Variants in PSEN1 observed in about 807,000 individuals in gnomAD.
PSEN1 encodes the protein presenilin 1, also known as presenilin-1.
In PSEN1, 15 loss-of-function variants were observed where a neutral mutation model predicts 53.5. The observed-to-expected ratio is 0.28, with a 90% confidence interval of 0.19 to 0.43. The LOEUF is 0.43. Among genes scored for constraint, PSEN1 ranks in the 20% least tolerant of loss-of-function variants. The pLI is 1.00. For missense variants in PSEN1, 387 were observed against 571.2 expected (o/e 0.68, Z 3.29); for synonymous variants, 208 against 209.8 (o/e 0.99, Z 0.08).
rs770625924 is a variant in PSEN1 at position 73,206,437 on chromosome 14, G to A, written c.920G>A (p.Arg307Lys). The change falls in exon 9 of 12, where the codon AGG becomes AAG. Residue 307 changes from arginine to lysine, a missense_variant. Arg to Lys is a conservative substitution (Grantham distance 26). Transcript: ENST00000324501. The part of the protein sequence containing the change: ...NMAEGDPEAQ[R>K]RVSKNSKYNA... ...GCAGAAGGAGACCCGGAAGCTCAAAGGAGAGTATCCAAAAATTCCAAGTAT... is the reference window on the plus strand; with the variant it reads ...GCAGAAGGAGACCCGGAAGCTCAAAAGAGAGTATCCAAAAATTCCAAGTAT... The A allele has an allele frequency of 6.2e-7, 1 of 1,614,032 alleles. No individual in the cohort carries two copies. Among genetic ancestry groups the A allele is most frequent in the Non-Finnish European group, 8.5e-7 (1 of 1,179,938 alleles).
intron 5 of PSEN1, among the ~76,000 whole-genome samples, chr14:73,176,035 C>T (rs1405632397): frequency 6.6e-6 from 1 of 152,260 alleles, no homozygotes; most frequent in South Asian, 2.1e-4. Context: ...TATCACATAC[C>T]TTTTCAATGC....
Position 73,197,042 on chromosome 14 carries a change from C to G in PSEN1, c.770-989C>G, listed in dbSNP as rs1898979734. On this transcript the variant is annotated intron_variant, in intron 7 of 11. Transcript: ENST00000324501. ...CCGCTTCCCGGGTTCACGCCGTTCTCCTGCCTCAGCCTCCCGAGTAGCTGG... is the reference window on the plus strand; with the variant it reads ...CCGCTTCCCGGGTTCACGCCGTTCTGCTGCCTCAGCCTCCCGAGTAGCTGG... Among the ~76,000 whole-genome samples, 2 of 151,148 alleles carry G rather than the reference C, an allele frequency of 1.3e-5. 1 individual carries two copies. Among genetic ancestry groups the G allele is most frequent in the South Asian group, 4.2e-4 (2 of 4,810 alleles).
chr14:73,206,502 A>G, intron 9 of PSEN1, 30 bp downstream of exon 9: 1 of 1,466,720 alleles, frequency 6.8e-7, no homozygotes, highest in Non-Finnish European at 9.5e-7. Context: ...TAATATCTTG[A>G]TTTTTCAGGG....
intron 1 of PSEN1, among the ~76,000 whole-genome samples, chr14:73,138,755 TC>T (rs1206283070): frequency 2.1e-5 from 3 of 144,624 alleles, no homozygotes; most frequent in Non-Finnish European, 4.6e-5. Context: ...GGTCAGGAGA[TC>T]GAGACATCCT....
rs993913050 is a variant in PSEN1 at position 73,221,521 on chromosome 14, G to C, written c.*2232G>C. 1.3e-5 allele frequency: 2 copies of C among 151,798 alleles called. No individual in the cohort carries two copies. The highest frequency in any genetic ancestry group is 2.1e-4 in the South Asian group (1 of 4,814). The allele number at this position is 151,798 out of a possible 1,614,324, so 9.4% of individuals were successfully genotyped here. ...TGTGTAGAAAGATGGCAATTATTCT[G>C]TCTCTTTCTCCAAGTTTGAGCCACA... is the stretch of plus-strand genomic sequence containing the variant. On this transcript the variant is annotated 3_prime_UTR_variant, in exon 12 of 12. Coordinates refer to ENST00000324501, the MANE Select transcript of PSEN1 (RefSeq NM_000021.4).
chr14:73,170,658 T>C, intron 3 of PSEN1, 139 bp from the exon 4 acceptor site: 2 of 886,272 alleles, frequency 2.3e-6, no homozygotes, highest in Non-Finnish European at 3.6e-6. Context: ...TTAAACTGCA[T>C]ACTTCCTGTA....
chr14:73,172,359 G>A (rs1027805240), intron 4 of PSEN1, among the ~76,000 whole-genome samples: 1 of 152,228 alleles, frequency 6.6e-6, no homozygotes, highest in Non-Finnish European at 1.5e-5. Context: ...TAAGACAGCA[G>A]GTGAAGGGCA....
At chr14:73,157,449 A>G (rs1049513564) in intron 3 of PSEN1, among the ~76,000 whole-genome samples, 3 of 152,248 alleles carry the variant, frequency 2.0e-5, no homozygotes, top group East Asian at 3.9e-4. Context: ...CAAGAAAGAT[A>G]CATTTTTAAA....
rs1161326629 is a variant in PSEN1, at chr14:73,202,796, T to C, written c.869-3590T>C. Among the ~76,000 whole-genome samples the C allele has an allele frequency of 3.3e-5, 5 of 151,796 alleles. No homozygotes were observed. In the East Asian group the frequency reaches 5.9e-4, roughly 18 times the overall value. On this transcript the variant is annotated intron_variant, in intron 8 of 11. Coordinates refer to ENST00000324501, the MANE Select transcript of PSEN1 (RefSeq NM_000021.4). ...CTATCATATATAATATTTTTAAAAC[T>C]CAACGTCTGTGCTCGCTTTAGCAGC... is the stretch of plus-strand genomic sequence containing the variant.
intron 5 of PSEN1, among the ~76,000 whole-genome samples, chr14:73,176,935 A>G (rs534389257): frequency 7.9e-5 from 12 of 152,128 alleles, no homozygotes; most frequent in Non-Finnish European, 1.8e-4. Flanking sequence ...TTCTCTTTTC[A>G]TGCCTCCATG....
At chr14:73,197,970 C>A (rs1000359534) in intron 7 of PSEN1, 61 bp from the exon 8 acceptor site, 3 of 903,734 alleles carry the variant, frequency 3.3e-6, no homozygotes, top group Non-Finnish European at 5.5e-6. Context: ...CTCCCTACCA[C>A]CCATTTACAA....
chr14:73,141,151 A>G (rs1318063963), intron 1 of PSEN1, among the ~76,000 whole-genome samples: 2 of 152,214 alleles, frequency 1.3e-5, no homozygotes, highest in Non-Finnish European at 2.9e-5. Context: ...TGGGTAGTAG[A>G]CTGCAACCAC....
chr14:73,175,245 G>GC (rs1203343727), intron 5 of PSEN1, among the ~76,000 whole-genome samples: 1 of 152,108 alleles, frequency 6.6e-6, no homozygotes, highest in East Asian at 1.9e-4. Context: ...TTCTGCCTCA[G>GC]CCCCCCGAGT....
chr14:73,158,242 G>A (rs1456118582), intron 3 of PSEN1, among the ~76,000 whole-genome samples: 1 of 152,028 alleles, frequency 6.6e-6, no homozygotes, highest in African/African-American at 2.4e-5. Context: ...CCTAGGAGTA[G>A]AATATGATCC....
At chr14:73,148,389 C>G (rs1245448225) in intron 3 of PSEN1, among the ~76,000 whole-genome samples, 1 of 152,140 alleles carries the variant, frequency 6.6e-6, no homozygotes, top group African/African-American at 2.4e-5. Context: ...ATTATTTTAC[C>G]TATCTTGCTC....
chr14:73,153,600 A>G (rs1248428610), intron 3 of PSEN1, among the ~76,000 whole-genome samples: 1 of 151,538 alleles, frequency 6.6e-6, no homozygotes, highest in Non-Finnish European at 1.5e-5. Flanking sequence ...GTCCTGTCCT[A>G]CAGAGCAGGC....
At chr14:73,184,228 C>T (rs1248787820) in intron 5 of PSEN1, among the ~76,000 whole-genome samples, 1 of 51,324 alleles carries the variant, frequency 1.9e-5, no homozygotes, top group Non-Finnish European at 4.0e-5. Context: ...CCCTCCCGGA[C>T]GGGGCGGCTG....
chr14:73,173,989 A>C (rs1235199078), intron 5 of PSEN1: 23 of 572,190 alleles, frequency 4.0e-5, no homozygotes, highest in Non-Finnish European at 4.3e-5. Flanking sequence ...GCCTCTATTA[A>C]AGAAAACAAA....
Position 73,136,586 on chromosome 14 carries a change from G to A in PSEN1, c.-136+3G>A, listed in dbSNP as rs554744599. On this transcript the variant is annotated splice_donor_region_variant and intron_variant, in intron 1 of 11. Coordinates refer to ENST00000324501, the MANE Select transcript of PSEN1 (RefSeq NM_000021.4). ...AGCGGGGCGGCGGGGAAGCGTATGTGCGTGATGGGGAGTCCGGGCAAGCCA... is the reference window on the plus strand; with the variant it reads ...AGCGGGGCGGCGGGGAAGCGTATGTACGTGATGGGGAGTCCGGGCAAGCCA... 1 of 152,914 alleles carries A rather than the reference G, an allele frequency of 6.5e-6. No homozygotes were observed. The highest frequency in any genetic ancestry group is 2.4e-5 in the African/African-American group (1 of 41,476). 9.5% of individuals were successfully genotyped at this position (152,914 alleles called of 1,614,324 possible). A position where few individuals can be genotyped will look rare whatever the true frequency, so the allele number is the denominator to read the frequency against.
Sources: allele counts gnomAD v4.1 joint callset (sites outside exome capture counted in the v4.1 genomes callset), GRCh38; gene constraint gnomAD v4.1.1; transcripts MANE v1.5; gene names NCBI Gene and HGNC (gene_info 2026-07-23, HGNC 2026-07-21).